The following TYW1 variants were observed in gnomAD, a reference collection of about 807,000 sequenced individuals.
TYW1 encodes the protein S-adenosyl-L-methionine-dependent tRNA 4-demethylwyosine synthase TYW1.
TYW1 carries 46 observed loss-of-function variants against 96.2 expected under a neutral mutation model. The observed-to-expected ratio is 0.48, with a 90% confidence interval of 0.38 to 0.61. The LOEUF (loss-of-function observed/expected upper bound fraction) is 0.61. Ranked by LOEUF, TYW1 falls within the 20% of genes least tolerant of loss-of-function variation. The pLI, the probability that TYW1 is intolerant of heterozygous loss-of-function variation, is 0.00. For missense variants in TYW1, 684 were observed against 909.6 expected (o/e 0.75, Z 3.19); for synonymous variants, 274 against 323.0 (o/e 0.85, Z 1.63).
intron 3 of TYW1, among the ~76,000 whole-genome samples, chr7:67,002,777 T>C (rs1453984347): frequency 6.6e-6 from 1 of 151,994 alleles, no homozygotes; most frequent in Non-Finnish European, 1.5e-5. Context: ...TGGGATGTTC[T>C]ACCTTTTGGA....
chr7:67,038,433 C>G (rs1043816672), intron 7 of TYW1, among the ~76,000 whole-genome samples: 6 of 152,044 alleles, frequency 3.9e-5, no homozygotes, highest in Non-Finnish European at 7.4e-5. Flanking sequence ...TAGTGAGACC[C>G]TTGTCTCTAC....
chr7:67,044,377 T>C (rs1795123704), intron 7 of TYW1, among the ~76,000 whole-genome samples: 2 of 151,694 alleles, frequency 1.3e-5, no homozygotes, highest in South Asian at 4.2e-4. Flanking sequence ...GGATTACAGG[T>C]GTGAGCCACC....
intron 14 of TYW1, among the ~76,000 whole-genome samples, chr7:67,185,232 A>G (rs1799983795): frequency 6.6e-6 from 1 of 151,834 alleles, no homozygotes; most frequent in Non-Finnish European, 1.5e-5. Context: ...TTTGATGGTA[A>G]GCTTTGTAAA....
At chr7:67,110,751 T>C (rs6959635) in intron 12 of TYW1, among the ~76,000 whole-genome samples, 44,705 of 152,046 alleles carry the variant, frequency 0.29, 7,344 homozygotes, top group African/African-American at 0.44. Context: ...TGTCTGTCAT[T>C]GCTTGAACTT....
At chr7:67,194,594 A>C (rs532060382) in intron 14 of TYW1, among the ~76,000 whole-genome samples, 2 of 151,946 alleles carry the variant, frequency 1.3e-5, no homozygotes, top group Non-Finnish European at 2.9e-5. Context: ...ACTGCACTCC[A>C]GCCTAGGCGA....
intron 13 of TYW1, among the ~76,000 whole-genome samples, chr7:67,149,721 A>ATT (rs1554376787): frequency 0.011 from 1,221 of 108,118 alleles, 15 homozygotes; most frequent in African/African-American, 0.037. Context: ...AAGGAAAAAA[A>ATT]ATATCTATCT....
intron 15 of TYW1, among the ~76,000 whole-genome samples, chr7:67,212,705 T>C (rs1801075351): frequency 6.6e-6 from 1 of 152,068 alleles, no homozygotes; most frequent in Admixed American, 6.6e-5. Flanking sequence ...TTAGCTATTC[T>C]AATAGATTTG....
chr7:67,047,492 A>G (rs945899148), intron 7 of TYW1, among the ~76,000 whole-genome samples: 8 of 152,186 alleles, frequency 5.3e-5, no homozygotes, highest in South Asian at 2.1e-4. Flanking sequence ...CAAATGATCA[A>G]TGTTTGTTTA....
chr7:67,073,362 C>T (rs570441509), intron 10 of TYW1, among the ~76,000 whole-genome samples: 215 of 152,244 alleles, frequency 1.4e-3, no homozygotes, highest in African/African-American at 5.1e-3. Context: ...TGCTCCGCAA[C>T]AAAGGATTAT....
chr7:67,184,374 ATG>A (rs1392935988), intron 14 of TYW1, among the ~76,000 whole-genome samples: 3 of 151,830 alleles, frequency 2.0e-5, no homozygotes, highest in Admixed American at 2.0e-4. Flanking sequence ...TCAGGGGTGC[ATG>A]TGTGTGTGGG....
intron 13 of TYW1, among the ~76,000 whole-genome samples, chr7:67,150,637 T>C (rs940998520): frequency 1.3e-5 from 2 of 152,240 alleles, no homozygotes; most frequent in African/African-American, 4.8e-5. Flanking sequence ...TATACACCTT[T>C]AATTAGTAAT....
At chr7:67,116,697 C>T (rs11766490) in intron 12 of TYW1, among the ~76,000 whole-genome samples, 42,011 of 151,076 alleles carry the variant, frequency 0.28, 6,662 homozygotes, top group African/African-American at 0.44. Context: ...GGGATTGGGC[C>T]GGGGGAAAAG....
At chr7:67,104,957 T>G (rs549344314) in intron 12 of TYW1, among the ~76,000 whole-genome samples, 1 of 152,238 alleles carries the variant, frequency 6.6e-6, no homozygotes, top group East Asian at 1.9e-4. Context: ...TCTTTTGGTC[T>G]TGGGTGACTT....
At chr7:67,068,367 C>T (rs1795934787) in intron 10 of TYW1, among the ~76,000 whole-genome samples, 1 of 152,224 alleles carries the variant, frequency 6.6e-6, no homozygotes, top group Admixed American at 6.5e-5. Flanking sequence ...TACTCTTCAA[C>T]TCCTAGTTCT....
intron 15 of TYW1, among the ~76,000 whole-genome samples, chr7:67,212,260 CT>C (rs3071734): frequency 0.16 from 23,731 of 144,140 alleles, 3,046 homozygotes; most frequent in African/African-American, 0.34. Flanking sequence ...TTTTTTTAAC[CT>C]TTTTTTTTTT....
intron 11 of TYW1, among the ~76,000 whole-genome samples, chr7:67,094,651 A>AGTGT (rs56069939): frequency 0.19 from 26,931 of 141,274 alleles, 2,613 homozygotes; most frequent in Non-Finnish European, 0.24. Flanking sequence ...AGAGAATTAG[A>AGTGT]GTGTGTGTGT....
intron 9 of TYW1, among the ~76,000 whole-genome samples, chr7:67,058,138 G>A (rs1002310931): frequency 1.8e-4 from 27 of 152,118 alleles, no homozygotes; most frequent in South Asian, 4.1e-4. Flanking sequence ...GTTTCACCGT[G>A]TTAGCCAGGA....
At chr7:67,063,895 C>T (rs4718448) in intron 9 of TYW1, among the ~76,000 whole-genome samples, 7,876 of 152,232 alleles carry the variant, frequency 0.052, 277 homozygotes, top group Admixed American at 0.072. Flanking sequence ...GCCACTGTGC[C>T]TGGCCGTATT....
chr7:67,207,205 G>A (rs745344993), intron 15 of TYW1, among the ~76,000 whole-genome samples: 5 of 152,160 alleles, frequency 3.3e-5, no homozygotes, highest in Non-Finnish European at 4.4e-5. Flanking sequence ...CACCAGGACC[G>A]TTACTCCCAG....
Sources: gnomAD v4.1 joint callset for allele counts (sites outside exome capture counted in the v4.1 genomes callset) on GRCh38, gnomAD v4.1.1 for gene constraint, MANE v1.5 for transcripts, NCBI Gene and HGNC (gene_info 2026-07-23, HGNC 2026-07-21) for gene names.